SMYD3: variants seen among roughly 807,000 people sequenced by gnomAD.
SMYD3 encodes SET and MYND domain containing 3, also known as histone-lysine N-methyltransferase SMYD3.
SMYD3 carries 36 observed loss-of-function variants against 57.7 expected under a neutral mutation model. The ratio of observed to expected loss-of-function variants is 0.62; its 90% CI spans 0.48 to 0.82. The LOEUF is 0.82. Ranked by LOEUF, SMYD3 falls within the 40% of genes least tolerant of loss-of-function variation. SMYD3 has a pLI of 0.00. For missense variants in SMYD3, 515 were observed against 538.8 expected, an observed-to-expected ratio of 0.96 and a Z score of 0.44; for synonymous variants, 211 against 195.0, an observed-to-expected ratio of 1.08 and a Z score of -0.68.
chr1:245,795,478 G>A (rs547349428), intron 10 of SMYD3, among the ~76,000 whole-genome samples: 80 of 152,260 alleles, frequency 5.3e-4, no homozygotes, highest in African/African-American at 1.7e-3. Flanking sequence ...TCCTTTATCC[G>A]AGAGCCAGGT....
At chr1:246,036,947 A>G (rs114478337) in intron 5 of SMYD3, among the ~76,000 whole-genome samples, 4,693 of 152,124 alleles carry the variant, frequency 0.031, 256 homozygotes, top group African/African-American at 0.11. Flanking sequence ...CTGAGCGTTG[A>G]TTTCATATGA....
chr1:246,194,273 T>G (rs1037141354), intron 5 of SMYD3, among the ~76,000 whole-genome samples: 4 of 119,270 alleles, frequency 3.4e-5, no homozygotes, highest in Non-Finnish European at 3.6e-5. Context: ...GGTTTTTTTG[T>G]TTTTTTTTTT....
intron 5 of SMYD3, among the ~76,000 whole-genome samples, chr1:246,244,672 T>C (rs567706558): frequency 6.4e-4 from 97 of 152,330 alleles, no homozygotes; most frequent in Admixed American, 1.6e-3. Flanking sequence ...GCATATGTTA[T>C]AAAAATTACT....
chr1:245,754,816 A>C (rs1422636419), intron 11 of SMYD3, among the ~76,000 whole-genome samples: 1 of 152,232 alleles, frequency 6.6e-6, no homozygotes, highest in African/African-American at 2.4e-5. Context: ...CCCTGGGAGA[A>C]GCTCTGGCAT....
At chr1:245,818,017 C>A (rs889600579) in intron 10 of SMYD3, among the ~76,000 whole-genome samples, 20 of 151,974 alleles carry the variant, frequency 1.3e-4, no homozygotes, top group Non-Finnish European at 2.1e-4. Flanking sequence ...GCAAGGCAGG[C>A]CAACATTCAG....
intron 10 of SMYD3, among the ~76,000 whole-genome samples, chr1:245,816,767 T>C (rs544860950): frequency 6.6e-6 from 1 of 152,008 alleles, no homozygotes; most frequent in East Asian, 1.9e-4. Flanking sequence ...TTCCCTTTCC[T>C]AGTCAAAGAA....
intron 5 of SMYD3, among the ~76,000 whole-genome samples, chr1:246,106,583 T>A (rs1008507892): frequency 2.0e-5 from 3 of 152,184 alleles, no homozygotes; most frequent in Non-Finnish European, 4.4e-5. Context: ...CTTTCTGAAA[T>A]GAGAAGTCCT....
chr1:245,766,903 C>T (rs925355159), intron 10 of SMYD3, among the ~76,000 whole-genome samples: 10 of 152,130 alleles, frequency 6.6e-5, no homozygotes, highest in African/African-American at 1.9e-4. Context: ...CATGAGGAAG[C>T]GCTTGTCCAG....
At chr1:245,904,197 G>A (rs2054392759) in intron 8 of SMYD3, among the ~76,000 whole-genome samples, 1 of 152,136 alleles carries the variant, frequency 6.6e-6, no homozygotes, top group Admixed American at 6.5e-5. Context: ...CTGTTTTCCT[G>A]AGACGGGGGT....
At chr1:245,824,920 A>G (rs1158877358) in intron 10 of SMYD3, among the ~76,000 whole-genome samples, 1 of 151,728 alleles carries the variant, frequency 6.6e-6, no homozygotes, top group Non-Finnish European at 1.5e-5. Context: ...AATCCCAGCT[A>G]CTCAGGAGGC....
chr1:246,078,044 TAC>T (rs763110147), intron 5 of SMYD3, among the ~76,000 whole-genome samples: 17 of 151,980 alleles, frequency 1.1e-4, no homozygotes, highest in Non-Finnish European at 2.1e-4. Flanking sequence ...GCAGAAGATA[TAC>T]ACACAGATAC....
At chr1:245,758,444 A>G (rs993853658) in intron 11 of SMYD3, among the ~76,000 whole-genome samples, 2 of 152,044 alleles carry the variant, frequency 1.3e-5, no homozygotes, top group African/African-American at 4.8e-5. Flanking sequence ...CTGGGACTCC[A>G]ATGTTAGATC....
At chr1:245,924,107 G>C (rs1399402374) in intron 7 of SMYD3, among the ~76,000 whole-genome samples, 3 of 152,202 alleles carry the variant, frequency 2.0e-5, no homozygotes, top group Non-Finnish European at 2.9e-5. Context: ...ACAGCTACAA[G>C]TTATTTTAAC....
intron 5 of SMYD3, among the ~76,000 whole-genome samples, chr1:246,142,665 T>A (rs1170156408): frequency 2.6e-5 from 4 of 152,198 alleles, no homozygotes; most frequent in Non-Finnish European, 5.9e-5. Flanking sequence ...ACTGTAAACC[T>A]ATGAACTGTT....
intron 1 of SMYD3, among the ~76,000 whole-genome samples, chr1:246,475,656 C>T (rs2068020906): frequency 6.6e-6 from 1 of 151,928 alleles, no homozygotes; most frequent in Admixed American, 6.6e-5. Context: ...ATTGTATTGC[C>T]CAGAGTGGAG....
intron 5 of SMYD3, among the ~76,000 whole-genome samples, chr1:246,325,154 TCGGGGGGGCGGGAAGGAGGGAAAAGGAG>T (rs1572381807): frequency 0.26 from 249 of 958 alleles, 85 homozygotes; most frequent in South Asian, 0.72. Flanking sequence ...GGAGAAGGAG[TCGGGGGGGCGGGAAGGAGGGAAAAGGAG>T]TCGGGGGGGC....
At chr1:245,838,715 C>T (rs2050229574) in intron 10 of SMYD3, among the ~76,000 whole-genome samples, 1 of 152,206 alleles carries the variant, frequency 6.6e-6, no homozygotes, top group Admixed American at 6.5e-5. Flanking sequence ...TCTAACTTTG[C>T]ACACCTGCCT....
intron 1 of SMYD3, among the ~76,000 whole-genome samples, chr1:246,440,952 C>T (rs561628891): frequency 2.0e-5 from 3 of 152,192 alleles, no homozygotes; most frequent in Admixed American, 1.3e-4. Context: ...CTATATATGC[C>T]TACTGCTTGG....
intron 5 of SMYD3, among the ~76,000 whole-genome samples, chr1:246,125,159 T>C (rs921270181): frequency 3.3e-5 from 5 of 152,082 alleles, no homozygotes; most frequent in African/African-American, 1.2e-4. Context: ...GGAACTTTAC[T>C]ACATTGGTAA....
Sources: gnomAD v4.1 joint callset for allele counts (sites outside exome capture counted in the v4.1 genomes callset) on GRCh38, gnomAD v4.1.1 for gene constraint, MANE v1.5 for transcripts, NCBI Gene and HGNC (gene_info 2026-07-23, HGNC 2026-07-21) for gene names.